The following SCRIB variants were observed in gnomAD, a reference collection of about 807,000 sequenced individuals.
SCRIB encodes the protein scribble planar cell polarity protein, also known as protein scribble homolog.
In SCRIB, 72 loss-of-function variants were observed where a neutral mutation model predicts 170.0. The ratio of observed to expected loss-of-function variants is 0.42; its 90% CI spans 0.35 to 0.52. The LOEUF is 0.52. Among genes scored for constraint, SCRIB ranks in the 20% least tolerant of loss-of-function variants. The probability of loss-of-function intolerance (pLI) is 0.02; values close to 1 mark genes in which losing one functional copy is unlikely to be tolerated. For missense variants in SCRIB, 2,475 were observed against 2,338.5 expected, an observed-to-expected ratio of 1.06 and a Z score of -1.20; for synonymous variants, 1,298 against 1,044.3, an observed-to-expected ratio of 1.24 and a Z score of -4.68.
chr8:143,811,551 C>T (rs1051262809), intron 9 of SCRIB, among the ~76,000 whole-genome samples: 7 of 152,116 alleles, frequency 4.6e-5, no homozygotes, highest in Non-Finnish European at 5.9e-5. Context: ...TGCCCACTGC[C>T]CTCAGCCTTC....
Position 143,805,375 on chromosome 8 carries a change from C to A in SCRIB, c.2407G>T (p.Ala803Ser), listed in dbSNP as rs900125584. 1 of 1,546,776 alleles carries A rather than the reference C, an allele frequency of 6.5e-7. No homozygotes were observed. Among genetic ancestry groups the A allele is most frequent in the Admixed American group, 1.9e-5 (1 of 53,640 alleles). ...HHEAVEALRGAGTAVQMRVWR... is the reference protein window; with the variant it reads ...HHEAVEALRGSGTAVQMRVWR... ...ACTCGCATCTGCACGGCAGTGCCGG[C>A]CCCCCGGAGCGCCTCCACGGCCTCG... Residue 803 changes from alanine to serine, a missense_variant, in exon 19 of 37, where the codon GCC becomes TCC. Ala to Ser is a moderately conservative substitution (Grantham distance 99). Transcript: ENST00000356994.
intron 9 of SCRIB, 76 bp downstream of exon 9, chr8:143,812,190 G>C: frequency 2.1e-6 from 2 of 972,146 alleles, no homozygotes; most frequent in Non-Finnish European, 3.4e-6. Context: ...CCCAGCAGCA[G>C]ACACAGGCTG....
Position 143,791,825 on chromosome 8 carries a change from C to G in SCRIB, c.4695+51G>C, listed in dbSNP as rs560105431. 1.4e-5 allele frequency: 21 copies of G among 1,506,132 alleles called. No individual in the cohort carries two copies. In the East Asian group the frequency reaches 3.4e-4, roughly 24 times the overall value. 93.3% of individuals were successfully genotyped at this position (1,506,132 alleles called of 1,614,324 possible). A position where few individuals can be genotyped will look rare whatever the true frequency, so the allele number is the denominator to read the frequency against. On this transcript the variant is annotated intron_variant, in intron 34 of 36. Transcript: ENST00000356994. ...CACGGGGGTGGGGGCAGGCCAGACC[C>G]CACCCCCATGCCTCGGGGGTGAAGG... is the stretch of plus-strand genomic sequence containing the variant.
intron 28 of SCRIB, chr8:143,793,682 C>T (rs1262889965): frequency 3.2e-5 from 17 of 530,108 alleles, no homozygotes; most frequent in Non-Finnish European, 5.8e-5. Context: ...ACAGCACACT[C>T]AGGCCCCCCA....
At chr8:143,813,141 C>T (rs374606835) in intron 6 of SCRIB, 37 bp from the exon 7 acceptor site, 110 of 1,573,948 alleles carry the variant, frequency 7.0e-5, no homozygotes, top group Admixed American at 1.5e-4. Context: ...GACTATGAGG[C>T]AAAGCCTCCT....
In SCRIB at chr8:143,809,706, T is replaced by A; in HGVS notation, c.1543A>T (p.Ser515Cys). 6.2e-7 allele frequency: 1 copy of A among 1,608,894 alleles called. No individual in the cohort carries two copies. Among genetic ancestry groups the A allele is most frequent in the East Asian group, 2.2e-5 (1 of 44,854 alleles). Residue 515 changes from serine (S) to cysteine (C), a missense_variant, in exon 14 of 37, where the codon AGT becomes TGT. Ser to Cys is a moderately radical substitution (Grantham distance 112). Transcript: ENST00000356994. ...PLPAEEEKRL[S>C]AESGLSEDSR... ...TCTTCACTCAGGCCAGACTCGGCAC[T>A]CAGCCGCTTCTCCTGCGGCGGGAAG...
At chr8:143,809,280 G>C (rs570791151) in intron 14 of SCRIB, among the ~76,000 whole-genome samples, 1 of 152,230 alleles carries the variant, frequency 6.6e-6, no homozygotes, top group South Asian at 2.1e-4. Context: ...GGAGCCCACG[G>C]GGGTCAGAAG....
At position 143,809,615 on chromosome 8, in the gene SCRIB, C is replaced by T; in HGVS notation, c.1634G>A (p.Gly545Asp). 1.9e-6 allele frequency: 3 copies of T among 1,611,284 alleles called. No individual in the cohort carries two copies. Among genetic ancestry groups the T allele is most frequent in the Non-Finnish European group, 2.5e-6 (3 of 1,179,936 alleles). ...EPEGPSAEAQ[G>D]GSQQEATTAG... Reference sequence around the variant, plus strand: ...AGTCGTGGCTTCCTGCTGGCTCCCACCCTGTGCCTCAGCCGACGGGCCCTC... The same window carrying T: ...AGTCGTGGCTTCCTGCTGGCTCCCATCCTGTGCCTCAGCCGACGGGCCCTC... The change falls in exon 14 of 37, where the codon GGT (glycine) becomes GAT (aspartate). Residue 545 changes from glycine to aspartate, a missense_variant. Gly to Asp is a moderately conservative substitution (Grantham distance 94). This residue lies in a region of SCRIB where 1,966 missense variants were observed against 1,742.9 expected (regional missense o/e 1.13). Coordinates refer to ENST00000356994, the MANE Select transcript of SCRIB (RefSeq NM_182706.5).
At chr8:143,808,468 CTG>C in intron 15 of SCRIB, 139 bp downstream of exon 15, 1 of 1,003,950 alleles carries the variant, frequency 1.0e-6, no homozygotes, top group East Asian at 2.8e-5. Context: ...GTGATGCCGA[CTG>C]TGGAGCACAC....
chr8:143,796,504 G>C (rs541054525), intron 24 of SCRIB, among the ~76,000 whole-genome samples: 2 of 152,288 alleles, frequency 1.3e-5, no homozygotes, highest in East Asian at 3.9e-4. Context: ...TGCTCAGGCC[G>C]GGGGAGAAAG....
intron 27 of SCRIB, among the ~76,000 whole-genome samples, chr8:143,794,688 G>A (rs1814863360): frequency 6.6e-6 from 1 of 151,966 alleles, no homozygotes; most frequent in Non-Finnish European, 1.5e-5. Flanking sequence ...GGGGACATGT[G>A]CCTGCCCAAT....
intron 24 of SCRIB, among the ~76,000 whole-genome samples, chr8:143,798,812 C>T (rs1221652552): frequency 1.3e-5 from 2 of 152,004 alleles, no homozygotes; most frequent in South Asian, 2.1e-4. Context: ...GCACGCCTGG[C>T]CCATGGTTAT....
chr8:143,791,216 T>G lies in SCRIB; in HGVS notation c.4915A>C (p.Ser1639Arg). 6.8e-7 allele frequency: 1 copy of G among 1,462,192 alleles called. No homozygotes were observed. Among genetic ancestry groups the G allele is most frequent in the Non-Finnish European group, 9.0e-7 (1 of 1,105,346 alleles). The allele number at this position is 1,462,192 out of a possible 1,614,324, so 90.6% of individuals were successfully genotyped here. The stretch of plus-strand genomic sequence containing the variant: ...CGCCCAGGCCTTACGGGGCGGCGGC[T>G]GCTGCACAGTGCCACATCTTCAGGG... ...VGPEDVALCS[S>R]RRPVRPGRRG... is the part of the protein sequence containing the mutation. Residue 1639 changes from serine (S) to arginine (R), a missense_variant, in exon 37 of 37, where the codon AGC becomes CGC. By Grantham distance (110) the Ser-to-Arg change is moderately radical. Around this residue, in one of 3 missense-constraint regions of SCRIB, gnomAD observed 22 missense variants for 37.5 expected, o/e 0.59. Transcript: ENST00000356994.
chr8:143,813,957 G>A (rs372254827), intron 2 of SCRIB, 44 bp downstream of exon 2: 24 of 1,582,394 alleles, frequency 1.5e-5, no homozygotes, highest in African/African-American at 5.4e-5. Context: ...CAGCCCCAGC[G>A]GACACTCCCC....
chr8:143,793,620 T>G (rs2129995964), intron 28 of SCRIB: 5 of 426,374 alleles, frequency 1.2e-5, no homozygotes, highest in Admixed American at 3.8e-5. Context: ...CCCTGGGAGG[T>G]GTTGGGCCTG....
chr8:143,793,213 G>A (rs1814787594), intron 28 of SCRIB, 130 bp from the exon 29 acceptor site: 1 of 550,888 alleles, frequency 1.8e-6, no homozygotes, highest in Non-Finnish European at 3.1e-6. Context: ...ATCCTGCTGG[G>A]GAAGGAGGCT....
chr8:143,790,973 G>T lies in SCRIB; in HGVS notation c.*190C>A. ...CCTTAAACCACAAAATAGAGTCTTTGGTTGTACAAACATCACTAGTTACAG... is the reference window on the plus strand; with the variant it reads ...CCTTAAACCACAAAATAGAGTCTTTTGTTGTACAAACATCACTAGTTACAG... On this transcript the variant is annotated 3_prime_UTR_variant, in exon 37 of 37. Transcript: ENST00000356994. The T allele has an allele frequency of 2.0e-6, 1 of 504,810 alleles. No individual in the cohort carries two copies. The highest frequency in any genetic ancestry group is 3.2e-6 in the Non-Finnish European group (1 of 315,580). The allele number at this position is 504,810 out of a possible 1,614,324, so 31.3% of individuals were successfully genotyped here. A position where few individuals can be genotyped will look rare whatever the true frequency, so the allele number is the denominator to read the frequency against.
In SCRIB at chr8:143,810,833, T is replaced by C; in HGVS notation, c.1274-17A>G. On this transcript the variant is annotated splice_polypyrimidine_tract_variant and intron_variant, in intron 11 of 36. Coordinates refer to ENST00000356994, the MANE Select transcript of SCRIB (RefSeq NM_182706.5). Reference sequence around the variant, plus strand: ...CAGCATCCTCTGCAGCAGGTGAGCGTCAGGACCCAGGCTAGTCCCCAAACC... The same window carrying C: ...CAGCATCCTCTGCAGCAGGTGAGCGCCAGGACCCAGGCTAGTCCCCAAACC... 1 of 1,602,468 alleles carries C rather than the reference T, an allele frequency of 6.2e-7. No homozygotes were observed. Among genetic ancestry groups the C allele is most frequent in the Non-Finnish European group, 8.5e-7 (1 of 1,176,904 alleles).
Position 143,810,832 on chromosome 8 carries a change from G to A in SCRIB, c.1274-16C>T, listed in dbSNP as rs367807883. 483 of 1,602,232 alleles carry A rather than the reference G, an allele frequency of 3.0e-4. No homozygotes were observed. The highest frequency in any genetic ancestry group is 3.8e-4 in the Non-Finnish European group (443 of 1,176,862). On this transcript the variant is annotated splice_polypyrimidine_tract_variant and intron_variant, in intron 11 of 36. Transcript: ENST00000356994. ...CCAGCATCCTCTGCAGCAGGTGAGC[G>A]TCAGGACCCAGGCTAGTCCCCAAAC...
Sources: allele counts gnomAD v4.1 joint callset (sites outside exome capture counted in the v4.1 genomes callset), GRCh38; gene constraint gnomAD v4.1.1; regional missense constraint gnomAD v4.1.1; transcripts MANE v1.5; gene names NCBI Gene and HGNC (gene_info 2026-07-23, HGNC 2026-07-21).